TRMT11: variants seen among roughly 807,000 people sequenced by gnomAD.
The protein encoded by TRMT11 is tRNA (guanine(10)-N(2))-methyltransferase TRMT11.
Under a neutral mutation model 62.8 loss-of-function variants are expected in TRMT11, and 53 were observed. The ratio of observed to expected loss-of-function variants is 0.84; its 90% CI spans 0.68 to 1.06. The LOEUF is 1.06. Ranked by LOEUF, TRMT11 falls within the 50% of genes least tolerant of loss-of-function variation. The pLI, the probability that TRMT11 is intolerant of heterozygous loss-of-function variation, is 0.00. For synonymous variants in TRMT11, 188 were observed against 190.3 expected (o/e 0.99, Z 0.10); for missense variants, 556 against 553.4 (o/e 1.00, Z -0.05).
chr6:126,213,879 G>A, the TRMT11 span, among the ~76,000 whole-genome samples: 3 of 152,046 alleles, frequency 2.0e-5, 1 homozygote, highest in Admixed American at 2.0e-4. Context: ...TACCAGTTTT[G>A]AGTCTGTCAT....
rs545353599 is a variant in TRMT11, at chr6:126,193,641, C to T, written n.144-5158C>T. Among the ~76,000 whole-genome samples the T allele has an allele frequency of 1.4e-3, 205 of 151,482 alleles. 4 individuals carry two copies. The South Asian group carries it at 0.019, about 14-fold the overall frequency. On this transcript the variant is annotated intron_variant and non_coding_transcript_variant, in intron 1 of 3. Coordinates refer to the TRMT11 transcript ENST00000444229. ...CCGAGTAGCTGGGACCACAGGAGCC[C>T]GCCACCACGCCTGGCTAATTTTTTC...
At chr6:126,176,627 A>G (rs1778387693), upstream of TRMT11, among the ~76,000 whole-genome samples, 2 of 152,204 alleles carry the variant, frequency 1.3e-5, no homozygotes, top group Admixed American at 6.6e-5. Context: ...ATTTTCCTAT[A>G]AAGTAAGGGG....
At chr6:126,105,653 G>A (rs142250054) in intron 17 of TRMT11, among the ~76,000 whole-genome samples, 247 of 151,506 alleles carry the variant, frequency 1.6e-3, no homozygotes, top group African/African-American at 5.7e-3. Context: ...TTTTTGCCTT[G>A]TTGCTTCTTT....
chr6:126,216,804 T>C, the TRMT11 span, among the ~76,000 whole-genome samples: 1 of 152,202 alleles, frequency 6.6e-6, no homozygotes, highest in East Asian at 1.9e-4. Context: ...TGAAGTTCTC[T>C]GTTCTTATCC....
chr6:126,262,176 G>A, the TRMT11 span, among the ~76,000 whole-genome samples: 1 of 152,192 alleles, frequency 6.6e-6, no homozygotes, highest in Admixed American at 6.5e-5. Flanking sequence ...AATGGATTCA[G>A]TGTGAGTGTA....
intron 21 of TRMT11, among the ~76,000 whole-genome samples, chr6:126,145,036 C>A (rs192740064): frequency 2.6e-5 from 4 of 152,238 alleles, no homozygotes; most frequent in Admixed American, 2.6e-4. Context: ...AGTTTTATAT[C>A]TCTATGGTCC....
chr6:126,132,460 A>C (rs927989088), intron 21 of TRMT11, among the ~76,000 whole-genome samples: 2 of 152,022 alleles, frequency 1.3e-5, no homozygotes, highest in Non-Finnish European at 2.9e-5. Flanking sequence ...ACTTTGGTTG[A>C]GTAAAGAGCT....
chr6:126,039,397 G>C (rs1775788120), downstream of TRMT11: 1 of 152,098 alleles, frequency 6.6e-6, no homozygotes, highest in Admixed American at 6.6e-5. Flanking sequence ...GCTAAGACCT[G>C]ACAACCTAGA....
At chr6:126,213,807 G>C in the TRMT11 span, among the ~76,000 whole-genome samples, 2 of 151,948 alleles carry the variant, frequency 1.3e-5, no homozygotes, top group Non-Finnish European at 2.9e-5. Context: ...AGTGACAGTG[G>C]GCATCCTTGT....
chr6:126,200,565 T>C (rs974905743), intron 3 of TRMT11, among the ~76,000 whole-genome samples: 1 of 152,196 alleles, frequency 6.6e-6, no homozygotes, highest in African/African-American at 2.4e-5. Flanking sequence ...ATTATTATTA[T>C]GTTTTTGAGA....
At chr6:126,018,220 T>G (rs1795270544) in intron 11 of TRMT11, among the ~76,000 whole-genome samples, 2 of 152,226 alleles carry the variant, frequency 1.3e-5, no homozygotes. Context: ...TTGATTGTAG[T>G]AAGGTGAACT....
intron 17 of TRMT11, among the ~76,000 whole-genome samples, chr6:126,070,974 T>G (rs1776834825): frequency 6.6e-6 from 1 of 152,120 alleles, no homozygotes; most frequent in Admixed American, 6.6e-5. Flanking sequence ...TGTAGGAGAA[T>G]GAAAGAAAAG....
intron 17 of TRMT11, among the ~76,000 whole-genome samples, chr6:126,100,928 C>G (rs1344018491): frequency 6.6e-6 from 1 of 152,142 alleles, no homozygotes. Context: ...GCATTTGATT[C>G]TCATAAGGAG....
chr6:126,099,961 G>A (rs1352399344), intron 17 of TRMT11, among the ~76,000 whole-genome samples: 1 of 152,122 alleles, frequency 6.6e-6, no homozygotes, highest in East Asian at 1.9e-4. Flanking sequence ...AGAGGGGCCT[G>A]GCTGAGCATG....
intron 1 of TRMT11, among the ~76,000 whole-genome samples, chr6:125,992,413 T>C (rs1790766851): frequency 6.6e-6 from 1 of 152,240 alleles, no homozygotes; most frequent in Non-Finnish European, 1.5e-5. Flanking sequence ...CAAACAACAA[T>C]CATGCAAGAT....
chr6:126,160,214 A>C (rs891131802), intron 21 of TRMT11, among the ~76,000 whole-genome samples: 1 of 152,074 alleles, frequency 6.6e-6, no homozygotes, highest in Non-Finnish European at 1.5e-5. Context: ...AACTTTAAAC[A>C]TGTCTTTTTG....
chr6:126,002,547 A>G (rs535540655), intron 7 of TRMT11, among the ~76,000 whole-genome samples: 2 of 152,316 alleles, frequency 1.3e-5, no homozygotes, highest in East Asian at 3.9e-4. Context: ...CAGTAAAGTC[A>G]AATACTGTGC....
the TRMT11 span, chr6:126,258,023 C>A: frequency 6.7e-7 from 1 of 1,490,942 alleles, no homozygotes; most frequent in South Asian, 1.1e-5. Flanking sequence ...CCAGCAGCTC[C>A]TCGACCCTGG....
chr6:126,029,193 CTT>C (rs1269348952), intron 12 of TRMT11, among the ~76,000 whole-genome samples: 20 of 152,210 alleles, frequency 1.3e-4, no homozygotes, highest in African/African-American at 4.1e-4. Context: ...CACATGTAAA[CTT>C]ATGTCCTCTT....
Sources: allele counts gnomAD v4.1 joint callset (sites outside exome capture counted in the v4.1 genomes callset), GRCh38; gene constraint gnomAD v4.1.1; transcripts MANE v1.5; gene names NCBI Gene and HGNC (gene_info 2026-07-23, HGNC 2026-07-21).